Variants in ANO4 observed in about 807,000 individuals in gnomAD.
The protein encoded by ANO4 is anoctamin-4.
In ANO4, 69 loss-of-function variants were observed where a neutral mutation model predicts 141.9. The ratio of observed to expected loss-of-function variants is 0.49; its 90% CI spans 0.40 to 0.59. ANO4 has a LOEUF of 0.59. Among genes scored for constraint, ANO4 ranks in the 20% least tolerant of loss-of-function variants. The pLI, the probability that ANO4 is intolerant of heterozygous loss-of-function variation, is 0.00. For synonymous variants in ANO4, 350 were observed against 394.3 expected (o/e 0.89, Z 1.33); for missense variants, 894 against 1,162.2 (o/e 0.77, Z 3.36).
chr12:101,028,730 G>A (rs936136101), intron 9 of ANO4, among the ~76,000 whole-genome samples: 1 of 152,188 alleles, frequency 6.6e-6, no homozygotes, highest in African/African-American at 2.4e-5. Context: ...CAGACGTGAA[G>A]AATGGAAACA....
At chr12:100,955,090 C>T (rs2043127581) in intron 5 of ANO4, among the ~76,000 whole-genome samples, 1 of 152,304 alleles carries the variant, frequency 6.6e-6, no homozygotes, top group East Asian at 1.9e-4. Context: ...GTGTATTGAG[C>T]GTCTATTATG....
intron 9 of ANO4, among the ~76,000 whole-genome samples, chr12:101,022,437 C>G (rs1342264572): frequency 6.6e-6 from 1 of 152,190 alleles, no homozygotes; most frequent in African/African-American, 2.4e-5. Flanking sequence ...TTATGAAAAT[C>G]TACCACATAA....
intron 1 of ANO4, among the ~76,000 whole-genome samples, chr12:100,808,486 A>AT (rs975562546): frequency 7.9e-5 from 12 of 152,128 alleles, no homozygotes; most frequent in Admixed American, 2.0e-4. Flanking sequence ...ATTTGGGAGA[A>AT]TTTTTTATGA....
intron 1 of ANO4, among the ~76,000 whole-genome samples, chr12:100,881,300 TAAA>T (rs1013689150): frequency 1.4e-5 from 2 of 146,838 alleles, no homozygotes; most frequent in Admixed American, 6.8e-5. Context: ...TAAAATAAAA[TAAA>T]AAAAGAAGAA....
At position 101,079,733 on chromosome 12, in the gene ANO4, C is replaced by T. The variant is rs141972994; in HGVS notation, c.1395+458C>T. On this transcript the variant is annotated intron_variant, in intron 15 of 27. Transcript: ENST00000392977. ...CTCTGAAGTATGACATCAAGTGTTC[C>T]GTGCTGGGGACAATCCACTCTGAAG... Among the ~76,000 whole-genome samples, 619 of 152,230 alleles carry T rather than the reference C, an allele frequency of 4.1e-3. 6 individuals are homozygous for T. The highest frequency in any genetic ancestry group is 0.014 in the African/African-American group (593 of 41,528).
chr12:101,069,030 A>G (rs2048707227), intron 14 of ANO4: 13 of 810,446 alleles, frequency 1.6e-5, no homozygotes, highest in Non-Finnish European at 2.9e-5. Flanking sequence ...AAAGATGTCA[A>G]GTTGGCTAAG....
At chr12:101,028,749 A>T (rs891182604) in intron 9 of ANO4, among the ~76,000 whole-genome samples, 1 of 152,242 alleles carries the variant, frequency 6.6e-6, no homozygotes, top group South Asian at 2.1e-4. Flanking sequence ...CAAACTGGAA[A>T]ACAAACTTCA....
intron 1 of ANO4, among the ~76,000 whole-genome samples, chr12:100,810,947 C>G (rs1476132839): frequency 6.6e-6 from 1 of 152,056 alleles, no homozygotes; most frequent in Non-Finnish European, 1.5e-5. Context: ...GAAATTGCCT[C>G]TGGGAGGATG....
chr12:100,806,046 G>A (rs1048244886), intron 1 of ANO4, among the ~76,000 whole-genome samples: 4 of 152,260 alleles, frequency 2.6e-5, no homozygotes, highest in East Asian at 1.9e-4. Flanking sequence ...AGGGATGAAG[G>A]CTCCTTAGGT....
intron 5 of ANO4, among the ~76,000 whole-genome samples, chr12:100,970,415 A>G (rs936846397): frequency 2.0e-5 from 3 of 151,674 alleles, no homozygotes; most frequent in African/African-American, 7.3e-5. Flanking sequence ...CCCTCAACAT[A>G]CCAGGAAGCT....
At chr12:100,989,777 G>A (rs1034920025) in intron 8 of ANO4, among the ~76,000 whole-genome samples, 1 of 150,692 alleles carries the variant, frequency 6.6e-6, no homozygotes, top group African/African-American at 2.4e-5. Flanking sequence ...ATGGATGGAT[G>A]GATGGATGGA....
rs181581635 is a variant in ANO4, at chr12:100,724,636, T to C, written c.22+7089T>C. On this transcript the variant is annotated intron_variant, in intron 1 of 29. Coordinates refer to the ANO4 transcript ENST00000644049. Reference sequence around the variant, plus strand: ...TGGAAACACACTTTATATCCTCTGATTGATTTTTCAGCACCTTAGGGAGAG... The same window carrying C: ...TGGAAACACACTTTATATCCTCTGACTGATTTTTCAGCACCTTAGGGAGAG... Among the ~76,000 whole-genome samples the C allele has an allele frequency of 2.0e-5, 3 of 152,330 alleles. No individual in the cohort carries two copies. The East Asian group carries it at 5.8e-4, about 29-fold the overall frequency.
At position 101,094,088 on chromosome 12, in the gene ANO4, A is replaced by G. The variant is rs894331087; in HGVS notation, c.1702-168A>G. ...AAAATTACGCTAATCTCCATTACCAATGGACTCCAAGAGTCTGAGATTTCT... is the reference window on the plus strand; with the variant it reads ...AAAATTACGCTAATCTCCATTACCAGTGGACTCCAAGAGTCTGAGATTTCT... On this transcript the variant is annotated intron_variant, in intron 17 of 27. Transcript: ENST00000392977. 9.9e-5 allele frequency among the ~76,000 whole-genome samples: 15 copies of G among 152,224 alleles called. No individual in the cohort carries two copies. The South Asian group carries it at 2.7e-3, about 27-fold the overall frequency.
chr12:100,740,016 C>A, exon 3 of ANO4: 1 of 702,640 alleles, frequency 1.4e-6, no homozygotes, highest in Non-Finnish European at 2.6e-6. Flanking sequence ...GACCAGGCCA[C>A]ACCTTTGTCC....
At chr12:101,006,577 C>A (rs2045881500) in intron 8 of ANO4, among the ~76,000 whole-genome samples, 1 of 152,198 alleles carries the variant, frequency 6.6e-6, no homozygotes, top group Non-Finnish European at 1.5e-5. Flanking sequence ...ACTAGCAAGA[C>A]AATGAGCCAG....
At position 100,763,422 on chromosome 12, in the gene ANO4, A is replaced by G. The variant is rs187315472; in HGVS notation, c.358+23317A>G. ...CCAAGCAAAAAGGTTAAATGGACACATATTTCACACTAAAGATCAAGTACT... is the reference window on the plus strand; with the variant it reads ...CCAAGCAAAAAGGTTAAATGGACACGTATTTCACACTAAAGATCAAGTACT... On this transcript the variant is annotated intron_variant, in intron 3 of 29. Transcript: ENST00000644049. 2.1e-3 allele frequency among the ~76,000 whole-genome samples: 323 copies of G among 152,352 alleles called. 1 individual carries two copies. Among genetic ancestry groups the G allele is most frequent in the Non-Finnish European group, 4.0e-3 (274 of 68,034 alleles).
chr12:101,101,255 T>G (rs1566249435), intron 22 of ANO4, among the ~76,000 whole-genome samples: 2 of 152,180 alleles, frequency 1.3e-5, no homozygotes, highest in South Asian at 4.1e-4. Context: ...TTTACCTTTG[T>G]TATTCTCCAT....
intron 1 of ANO4, among the ~76,000 whole-genome samples, chr12:100,718,380 C>G (rs2030708369): frequency 6.6e-6 from 1 of 152,204 alleles, no homozygotes; most frequent in African/African-American, 2.4e-5. Flanking sequence ...CCCTCCCTTC[C>G]TCTTGCTTGC....
At chr12:100,997,634 T>C (rs552365508) in intron 8 of ANO4, among the ~76,000 whole-genome samples, 13 of 152,254 alleles carry the variant, frequency 8.5e-5, no homozygotes, top group African/African-American at 2.6e-4. Flanking sequence ...GTGGCCTATG[T>C]ATCTGTAATG....
Sources: allele counts gnomAD v4.1 joint callset (sites outside exome capture counted in the v4.1 genomes callset), GRCh38; gene constraint gnomAD v4.1.1; transcripts MANE v1.5; gene names NCBI Gene and HGNC (gene_info 2026-07-23, HGNC 2026-07-21).